The following ITGA9 variants were observed in gnomAD, a reference collection of about 807,000 sequenced individuals.
The protein encoded by ITGA9 is integrin alpha-9.
Under a neutral mutation model 127.8 loss-of-function variants are expected in ITGA9, and 56 were observed. That is an observed-to-expected ratio of 0.44 (90% confidence interval 0.35 to 0.55). The LOEUF (loss-of-function observed/expected upper bound fraction) is 0.55, where lower values mean the gene tolerates loss of function less well. ITGA9 is among the 20% of genes least tolerant of loss of function. The pLI is 0.00. For synonymous variants in ITGA9, 508 were observed against 514.5 expected (o/e 0.99, Z 0.17); for missense variants, 1,196 against 1,347.1 (o/e 0.89, Z 1.76).
chr3:37,481,539 A>G lies in ITGA9; in HGVS notation c.476A>G (p.His159Arg). The G allele has an allele frequency of 6.2e-7, 1 of 1,613,996 alleles. No homozygotes were observed. The highest frequency in any genetic ancestry group is 8.5e-7 in the Non-Finnish European group (1 of 1,179,944). Reference sequence around the variant, plus strand: ...TATGAAGCCGACCACATCCTACCCCATGGCTTCTGCTACATCATCCCCTCC... The same window carrying G: ...TATGAAGCCGACCACATCCTACCCCGTGGCTTCTGCTACATCATCCCCTCC... ...IYYEADHILP[H>R]GFCYIIPSNL... The change falls in exon 4 of 28, where the codon CAT becomes CGT. Residue 159 changes from histidine to arginine, a missense_variant. Coordinates refer to ENST00000264741, the MANE Select transcript of ITGA9 (RefSeq NM_002207.3).
intron 15 of ITGA9, among the ~76,000 whole-genome samples, chr3:37,580,636 C>T (rs768807006): frequency 1.1e-4 from 17 of 152,194 alleles, no homozygotes; most frequent in Non-Finnish European, 2.1e-4. Flanking sequence ...TATTCTTCCT[C>T]ATTTTCTCTT....
intron 1 of ITGA9, among the ~76,000 whole-genome samples, chr3:37,463,202 T>C: frequency 6.6e-6 from 1 of 152,224 alleles, no homozygotes; most frequent in Non-Finnish European, 1.5e-5. Flanking sequence ...CCAGATTCCG[T>C]CAGAAGTGGC....
intron 6 of ITGA9, among the ~76,000 whole-genome samples, chr3:37,504,638 G>C (rs1698821965): frequency 6.6e-6 from 1 of 152,176 alleles, no homozygotes; most frequent in Non-Finnish European, 1.5e-5. Context: ...TGGATGATGG[G>C]TTTGGGGTCT....
chr3:37,691,363 C>A (rs1196671400), intron 18 of ITGA9, among the ~76,000 whole-genome samples: 1 of 151,956 alleles, frequency 6.6e-6, no homozygotes, highest in African/African-American at 2.4e-5. Context: ...TTGGGTGAGG[C>A]AGGTGTGGTA....
At chr3:37,475,754 C>T (rs1698487182) in intron 3 of ITGA9, among the ~76,000 whole-genome samples, 1 of 152,218 alleles carries the variant, frequency 6.6e-6, no homozygotes, top group Non-Finnish European at 1.5e-5. Context: ...AAACTTACCA[C>T]CTTAACCATT....
At chr3:37,617,014 G>C (rs1267276013) in intron 15 of ITGA9, among the ~76,000 whole-genome samples, 2 of 152,218 alleles carry the variant, frequency 1.3e-5, no homozygotes, top group Admixed American at 6.5e-5. Context: ...TATGATGTTA[G>C]CTGGTTATTT....
chr3:37,552,515 A>C (rs921239954), intron 15 of ITGA9, among the ~76,000 whole-genome samples: 1 of 151,862 alleles, frequency 6.6e-6, no homozygotes, highest in Non-Finnish European at 1.5e-5. Context: ...ATATTTTTAG[A>C]CTCTTTAATG....
At chr3:37,536,193 C>T (rs1012142971) in intron 14 of ITGA9, among the ~76,000 whole-genome samples, 3 of 152,202 alleles carry the variant, frequency 2.0e-5, no homozygotes, top group African/African-American at 7.2e-5. Flanking sequence ...ATCTCCAGGC[C>T]TCTGCCTCAG....
intron 5 of ITGA9, among the ~76,000 whole-genome samples, chr3:37,496,758 C>G (rs897806176): frequency 2.6e-4 from 39 of 152,222 alleles, no homozygotes; most frequent in African/African-American, 8.7e-4. Flanking sequence ...ACCTCACCCA[C>G]TACATGGTAT....
chr3:37,523,792 G>T (rs550818591), intron 12 of ITGA9, among the ~76,000 whole-genome samples, 181 bp downstream of exon 12: 1 of 152,244 alleles, frequency 6.6e-6, no homozygotes, highest in East Asian at 1.9e-4. Flanking sequence ...TATTTATTTT[G>T]GGGTTTTAAA....
chr3:37,650,592 C>T (rs1307793901), intron 16 of ITGA9, among the ~76,000 whole-genome samples: 1 of 151,920 alleles, frequency 6.6e-6, no homozygotes, highest in Non-Finnish European at 1.5e-5. Flanking sequence ...CCACCACACC[C>T]GGCTAATTTT....
intron 18 of ITGA9, among the ~76,000 whole-genome samples, chr3:37,717,938 TG>T (rs1701151942): frequency 6.6e-6 from 1 of 152,162 alleles, no homozygotes; most frequent in Non-Finnish European, 1.5e-5. Flanking sequence ...GGGGTGGGAA[TG>T]GGGACAGCCA....
intron 26 of ITGA9, among the ~76,000 whole-genome samples, chr3:37,789,162 C>A (rs1305062159): frequency 3.9e-5 from 6 of 152,136 alleles, no homozygotes; most frequent in South Asian, 4.1e-4. Context: ...AAAATGTCAG[C>A]CTTACGAGTC....
chr3:37,692,617 A>G (rs546004466), intron 18 of ITGA9, among the ~76,000 whole-genome samples: 3 of 152,102 alleles, frequency 2.0e-5, no homozygotes, highest in Non-Finnish European at 4.4e-5. Context: ...TTTTTAAAAT[A>G]ATGCTTGTTG....
chr3:37,747,716 C>CTTTT (rs56897652), intron 22 of ITGA9, among the ~76,000 whole-genome samples: 1 of 140,068 alleles, frequency 7.1e-6, no homozygotes, highest in Non-Finnish European at 1.5e-5. Context: ...CCTTTTTTTT[C>CTTTT]TTTTTTTTTT....
intron 21 of ITGA9, among the ~76,000 whole-genome samples, chr3:37,742,580 A>T (rs915945660): frequency 6.6e-6 from 1 of 152,198 alleles, no homozygotes; most frequent in Non-Finnish European, 1.5e-5. Flanking sequence ...TGGAAAAAAG[A>T]TTTACACAAT....
At chr3:37,696,368 A>G (rs545641053) in intron 18 of ITGA9, among the ~76,000 whole-genome samples, 1 of 152,334 alleles carries the variant, frequency 6.6e-6, no homozygotes, top group South Asian at 2.1e-4. Flanking sequence ...GATCCTGCTC[A>G]ATTATAAGAT....
chr3:37,783,471 G>C (rs572410218), intron 25 of ITGA9, among the ~76,000 whole-genome samples: 57 of 152,162 alleles, frequency 3.7e-4, no homozygotes, highest in African/African-American at 1.3e-3. Flanking sequence ...CTAGTCCTCA[G>C]CTAGGACTGC....
intron 1 of ITGA9, among the ~76,000 whole-genome samples, chr3:37,469,045 G>A (rs551944898): frequency 2.0e-5 from 3 of 152,268 alleles, no homozygotes; most frequent in South Asian, 4.1e-4. Context: ...ACTGCTTTCC[G>A]GAAACAATGC....
Sources: gnomAD v4.1 joint callset for allele counts (sites outside exome capture counted in the v4.1 genomes callset) on GRCh38, gnomAD v4.1.1 for gene constraint, MANE v1.5 for transcripts, NCBI Gene and HGNC (gene_info 2026-07-23, HGNC 2026-07-21) for gene names.